TBC1D5: variants seen among roughly 807,000 people sequenced by gnomAD.
TBC1D5 encodes TBC1 domain family, member 5.
TBC1D5 carries 75 observed loss-of-function variants against 100.3 expected under a neutral mutation model. The observed-to-expected ratio is 0.75, with a 90% CI of 0.62 to 0.91. The LOEUF is 0.91. TBC1D5 is among the 40% of genes least tolerant of loss of function. The pLI is 0.00. For synonymous variants in TBC1D5, 323 were observed against 325.6 expected, an observed-to-expected ratio of 0.99 and a Z score of 0.09; for missense variants, 910 against 942.4, an observed-to-expected ratio of 0.97 and a Z score of 0.45.
At chr3:17,607,163 C>T (rs190136880) in intron 2 of TBC1D5, among the ~76,000 whole-genome samples, 243 of 152,070 alleles carry the variant, frequency 1.6e-3, no homozygotes, top group Non-Finnish European at 1.3e-3. Flanking sequence ...ATTGTTAAAC[C>T]TTCATTATGT....
intron 2 of TBC1D5, among the ~76,000 whole-genome samples, chr3:17,549,062 C>T (rs574482953): frequency 7.2e-5 from 11 of 152,072 alleles, no homozygotes; most frequent in African/African-American, 2.4e-4. Context: ...CTTTGGGAGG[C>T]GGAGGCAGGT....
At chr3:17,695,423 C>CA (rs1231741647) in intron 1 of TBC1D5, among the ~76,000 whole-genome samples, 19 of 150,586 alleles carry the variant, frequency 1.3e-4, no homozygotes, top group Non-Finnish European at 2.5e-4. Context: ...AAATGGAAAG[C>CA]AAAAAAAAGC....
At chr3:17,670,003 A>C (rs2067751323) in intron 1 of TBC1D5, among the ~76,000 whole-genome samples, 1 of 152,166 alleles carries the variant, frequency 6.6e-6, no homozygotes, top group South Asian at 2.1e-4. Flanking sequence ...CTCCTGCCTC[A>C]GCCTCCCAAA....
intron 1 of TBC1D5, among the ~76,000 whole-genome samples, chr3:17,694,492 T>TCAA (rs1308107667): frequency 3.9e-5 from 6 of 152,050 alleles, no homozygotes; most frequent in African/African-American, 1.4e-4. Context: ...GAAGAAAGGG[T>TCAA]ATCAGTGATT....
intron 13 of TBC1D5, among the ~76,000 whole-genome samples, chr3:17,350,519 C>G (rs535465328): frequency 1.3e-5 from 2 of 152,250 alleles, no homozygotes; most frequent in South Asian, 4.1e-4. Context: ...ATGTGTACTA[C>G]CTGCATGTAA....
intron 19 of TBC1D5, among the ~76,000 whole-genome samples, chr3:17,181,570 C>A (rs896098573): frequency 2.0e-5 from 3 of 152,148 alleles, no homozygotes; most frequent in African/African-American, 7.2e-5. Flanking sequence ...TGGGTTCAAC[C>A]CTAGATCTGT....
At chr3:17,383,944 G>A (rs866449111) in exon 9 of TBC1D5, 2 of 1,600,748 alleles carry the variant, frequency 1.2e-6, no homozygotes, top group African/African-American at 2.7e-5. Context: ...GTTTTCTCTG[G>A]CATAACAGAA....
chr3:17,429,653 A>AT (rs2094411718), intron 3 of TBC1D5, among the ~76,000 whole-genome samples: 2 of 151,934 alleles, frequency 1.3e-5, no homozygotes, highest in Non-Finnish European at 2.9e-5. Context: ...GATTATTTTT[A>AT]ATTATTGAGT....
At chr3:17,560,711 A>G (rs1019059558) in intron 2 of TBC1D5, among the ~76,000 whole-genome samples, 10 of 152,072 alleles carry the variant, frequency 6.6e-5, no homozygotes, top group African/African-American at 2.4e-4. Context: ...TCATGAGGTC[A>G]GGAGTTCAAG....
At chr3:17,701,134 G>A (rs543657425) in intron 1 of TBC1D5, among the ~76,000 whole-genome samples, 7 of 152,264 alleles carry the variant, frequency 4.6e-5, no homozygotes, top group African/African-American at 1.7e-4. Flanking sequence ...TATACACCAT[G>A]GAATACTATG....
At chr3:17,404,594 T>A in intron 7 of TBC1D5, 100 bp downstream of exon 7, 2 of 1,052,760 alleles carry the variant, frequency 1.9e-6, no homozygotes, top group Non-Finnish European at 2.7e-6. Flanking sequence ...AGAAAACAGT[T>A]AGCATGAAAT....
chr3:17,730,095 G>C (rs1336358392), intron 1 of TBC1D5, among the ~76,000 whole-genome samples: 1 of 151,770 alleles, frequency 6.6e-6, no homozygotes, highest in East Asian at 1.9e-4. Context: ...TAGGGGACAA[G>C]AGTGAAACTC....
chr3:17,196,313 A>G (rs1402838672), intron 18 of TBC1D5, among the ~76,000 whole-genome samples: 1 of 152,208 alleles, frequency 6.6e-6, no homozygotes, highest in Non-Finnish European at 1.5e-5. Context: ...CTAGCAGAGA[A>G]GGCTCCATGG....
At chr3:17,578,011 C>G (rs1348546058) in intron 2 of TBC1D5, among the ~76,000 whole-genome samples, 2 of 151,908 alleles carry the variant, frequency 1.3e-5, no homozygotes, top group Admixed American at 1.3e-4. Flanking sequence ...AGTGACTGCA[C>G]CAGATGTGCA....
intron 2 of TBC1D5, chr3:17,524,714 AT>A: frequency 6.6e-6 from 1 of 152,176 alleles, no homozygotes; most frequent in Admixed American, 6.5e-5. Flanking sequence ...CAAAAAAAAA[AT>A]TAGCCAGATA....
chr3:17,564,956 G>A (rs74609037), intron 2 of TBC1D5, among the ~76,000 whole-genome samples: 1 of 151,714 alleles, frequency 6.6e-6, no homozygotes, highest in Non-Finnish European at 1.5e-5. Context: ...AATTATATTA[G>A]AAAAAAATGA....
chr3:17,289,773 A>G (rs2081537792), intron 15 of TBC1D5, among the ~76,000 whole-genome samples: 1 of 152,204 alleles, frequency 6.6e-6, no homozygotes, highest in Admixed American at 6.5e-5. Flanking sequence ...AAAATAATGA[A>G]GATGTTGGTG....
chr3:17,656,834 T>C (rs1203913586), intron 1 of TBC1D5, among the ~76,000 whole-genome samples: 3 of 152,000 alleles, frequency 2.0e-5, no homozygotes, highest in Non-Finnish European at 4.4e-5. Flanking sequence ...GATGAATATA[T>C]ATATATATAA....
intron 14 of TBC1D5, among the ~76,000 whole-genome samples, chr3:17,299,260 C>A (rs1471180902): frequency 6.6e-6 from 1 of 152,082 alleles, no homozygotes; most frequent in African/African-American, 2.4e-5. Flanking sequence ...ATGTCCAGGG[C>A]AGAACAGAGT....
Sources: gnomAD v4.1 joint callset for allele counts (sites outside exome capture counted in the v4.1 genomes callset) on GRCh38, gnomAD v4.1.1 for gene constraint, MANE v1.5 for transcripts, NCBI Gene and HGNC (gene_info 2026-07-23, HGNC 2026-07-21) for gene names.